Variants in GPATCH3 observed in about 807,000 individuals in gnomAD.
GPATCH3 encodes the protein G-patch domain containing 3.
A neutral mutation model predicts 53.2 loss-of-function variants in GPATCH3; 45 were observed. The ratio of observed to expected loss-of-function variants is 0.85; its 90% CI spans 0.67 to 1.08. GPATCH3 has a LOEUF of 1.08. Among genes scored for constraint, GPATCH3 ranks in the 50% least tolerant of loss-of-function variants. The pLI is 0.00. For synonymous variants in GPATCH3, 280 were observed against 270.6 expected (o/e 1.03, Z -0.34); for missense variants, 680 against 687.2 (o/e 0.99, Z 0.12).
At chr1:26,897,823 G>A in intron 1 of GPATCH3, 98 bp from the exon 2 acceptor site, 5 of 957,626 alleles carry the variant, frequency 5.2e-6, no homozygotes, top group Non-Finnish European at 7.6e-6. Context: ...CCTTTCCCTA[G>A]TAAACATCTA....
At chr1:26,896,983 C>T (rs1311343730) in intron 2 of GPATCH3, among the ~76,000 whole-genome samples, 1 of 150,440 alleles carries the variant, frequency 6.6e-6, no homozygotes, top group Non-Finnish European at 1.5e-5. Flanking sequence ...GATCGTGCCA[C>T]TGCACTCCAG....
rs1382286097 is a variant in GPATCH3, at chr1:26,897,557, CG to C, written c.619del (p.Arg207GlyfsTer104). 6.2e-7 allele frequency: 1 copy of C among 1,614,152 alleles called. No individual in the cohort carries two copies. On this transcript the variant is annotated frameshift_variant, in exon 2 of 7. Transcript: ENST00000361720. LOFTEE classifies it high-confidence loss of function. ...TPLRVFLELI[R>X]ACRLPPRIIT... ...GATCCGAGGGGGTAGGCGGCAGGCC[CG>C]GATCAACTCCAAAAAGACCCGCAGG...
At chr1:26,897,263 C>A in intron 2 of GPATCH3, 38 bp downstream of exon 2, 1 of 1,589,426 alleles carries the variant, frequency 6.3e-7, no homozygotes, top group Non-Finnish European at 8.6e-7. Flanking sequence ...CGGCCTCTTT[C>A]AGCTGCCAGC....
chr1:26,899,934 GA>G, intron 1 of GPATCH3, 57 bp downstream of exon 1: 1 of 1,507,984 alleles, frequency 6.6e-7, no homozygotes, highest in Non-Finnish European at 9.1e-7. Flanking sequence ...CCACTCCTCT[GA>G]AAAGGTGCCT....
chr1:26,900,176 G>A lies in GPATCH3; in HGVS notation c.267C>T (p.Leu89=), dbSNP rs753742086. The A allele has an allele frequency of 6.2e-7, 1 of 1,614,196 alleles. No individual in the cohort carries two copies. The highest frequency in any genetic ancestry group is 1.3e-5 in the African/African-American group (1 of 75,052). The change falls in exon 1 of 7, where the codon CTC becomes CTT. Residue 89 remains leucine, a synonymous_variant. Transcript: ENST00000361720. The part of the protein sequence containing the change: ...SQTSATDVRP[L]STRDSTPIQT... ...GGATTGGAGTAGAGTCTCGAGTGGAGAGAGGCCGGACATCGGTGGCCGAAG... is the reference window on the plus strand; with the variant it reads ...GGATTGGAGTAGAGTCTCGAGTGGAAAGAGGCCGGACATCGGTGGCCGAAG...
intron 6 of GPATCH3, among the ~76,000 whole-genome samples, chr1:26,891,683 A>T (rs1042570263): frequency 9.9e-5 from 15 of 151,772 alleles, no homozygotes; most frequent in Non-Finnish European, 1.0e-4. Flanking sequence ...AGTAGCTGGG[A>T]CTACAGGCGC....
chr1:26,893,900 T>C (rs1340905203), intron 3 of GPATCH3, among the ~76,000 whole-genome samples: 5 of 152,090 alleles, frequency 3.3e-5, no homozygotes, highest in African/African-American at 1.2e-4. Context: ...CACTGCAACC[T>C]TGAACTCCTG....
intron 6 of GPATCH3, among the ~76,000 whole-genome samples, chr1:26,892,007 AATTTTTGTATTT>A (rs1178313525): frequency 8.7e-5 from 13 of 149,862 alleles, no homozygotes; most frequent in African/African-American, 2.5e-4. Context: ...GCGCCCGGCT[AATTTTTGTATTT>A]TTAGTAGAGA....
chr1:26,897,535 C>T lies in GPATCH3; in HGVS notation c.642G>A (p.Arg214=), dbSNP rs764854944. ...ACTGGAGCTGCAGCTGGGTGATGAT[C>T]CGAGGGGGTAGGCGGCAGGCCCGGA... is the stretch of plus-strand genomic sequence containing the variant. The part of the protein sequence containing the change: ...ELIRACRLPP[R]IITQLQLQFP... Residue 214 remains arginine, a synonymous_variant, in exon 2 of 7, where the codon CGG becomes CGA. Coordinates refer to ENST00000361720, the MANE Select transcript of GPATCH3 (RefSeq NM_022078.3). The T allele has an allele frequency of 3.2e-5, 52 of 1,614,192 alleles. No individual in the cohort carries two copies. Among genetic ancestry groups the T allele is most frequent in the Non-Finnish European group, 4.2e-5 (50 of 1,180,042 alleles).
At position 26,900,415 on chromosome 1, in the gene GPATCH3, C is replaced by T. The variant is rs763665932; in HGVS notation, c.28G>A (p.Glu10Lys). The change falls in exon 1 of 7, where the codon GAG (glutamate) becomes AAG (lysine). Residue 10 changes from glutamate (E) to lysine (K), a missense_variant. Glu to Lys is a moderately conservative substitution (Grantham distance 56). Coordinates refer to ENST00000361720, the MANE Select transcript of GPATCH3 (RefSeq NM_022078.3). MAVPGEAEE[E>K]ATVYLVVSGI... ...CTCACTACCAGGTAAACTGTCGCCT[C>T]CTCCTCCGCCTCGCCGGGCACCGCC... 6 of 1,610,672 alleles carry T rather than the reference C, an allele frequency of 3.7e-6. No individual in the cohort carries two copies. Among genetic ancestry groups the T allele is most frequent in the Non-Finnish European group, 5.1e-6 (6 of 1,177,624 alleles).
chr1:26,893,471 A>ATGT, intron 3 of GPATCH3, 23 bp from the exon 4 acceptor site: 1 of 1,592,184 alleles, frequency 6.3e-7, no homozygotes, highest in Non-Finnish European at 8.6e-7. Flanking sequence ...AAAAGCATCC[A>ATGT]ACAGAGTACA....
At chr1:26,893,495 G>A (rs746560368) in intron 3 of GPATCH3, 47 bp from the exon 4 acceptor site, 1 of 928,386 alleles carries the variant, frequency 1.1e-6, no homozygotes, top group African/African-American at 1.8e-5. Context: ...AGGACTCTCA[G>A]TTCTATTAAG....
chr1:26,898,230 C>T (rs1285509884), intron 1 of GPATCH3, among the ~76,000 whole-genome samples: 1 of 152,216 alleles, frequency 6.6e-6, no homozygotes, highest in African/African-American at 2.4e-5. Flanking sequence ...CCAAGCGGAA[C>T]TACAGAACTA....
chr1:26,893,026 A>G (rs761461214), intron 4 of GPATCH3: 29 of 570,444 alleles, frequency 5.1e-5, no homozygotes, highest in Non-Finnish European at 8.0e-5. Flanking sequence ...GAGGATTAGA[A>G]CCCAGGTCTT....
chr1:26,900,449 T>C lies in GPATCH3; in HGVS notation c.-7A>G. 1.9e-6 allele frequency: 3 copies of C among 1,606,708 alleles called. No homozygotes were observed. The highest frequency in any genetic ancestry group is 2.6e-6 in the Non-Finnish European group (3 of 1,175,562). ...CCTCGCCGGGCACCGCCATCTTGGATTGTCACATGATCAGCTAGAACCAAG... is the reference window on the plus strand; with the variant it reads ...CCTCGCCGGGCACCGCCATCTTGGACTGTCACATGATCAGCTAGAACCAAG... On this transcript the variant is annotated 5_prime_UTR_variant, in exon 1 of 7. Coordinates refer to ENST00000361720, the MANE Select transcript of GPATCH3 (RefSeq NM_022078.3).
rs766590048 is a variant in GPATCH3 at position 26,894,303 on chromosome 1, C to A, written c.984G>T (p.Lys328Asn). 1.2e-6 allele frequency: 2 copies of A among 1,614,194 alleles called. No individual in the cohort carries two copies. The highest frequency in any genetic ancestry group is 2.7e-5 in the African/African-American group (2 of 75,042). The change falls in exon 3 of 7, where the codon AAG (lysine) becomes AAT (asparagine). Residue 328 changes from lysine (K) to asparagine (N), a missense_variant. Coordinates refer to ENST00000361720, the MANE Select transcript of GPATCH3 (RefSeq NM_022078.3). ...CCAGGCCAGAGCCACCCTTCTCCCACTTGAGCTCAATCTCCTCCTCAAAGA... is the reference window on the plus strand; with the variant it reads ...CCAGGCCAGAGCCACCCTTCTCCCAATTGAGCTCAATCTCCTCCTCAAAGA... ...EQLFEEEIEL[K>N]WEKGGSGLVF...
rs1441684608 is a variant in GPATCH3 at position 26,900,406 on chromosome 1, C to A, written c.37G>T (p.Val13Phe). The A allele has an allele frequency of 6.2e-7, 1 of 1,611,786 alleles. No individual in the cohort carries two copies. The highest frequency in any genetic ancestry group is 2.2e-5 in the East Asian group (1 of 44,832). Residue 13 changes from valine (V) to phenylalanine (F), a missense_variant, in exon 1 of 7, where the codon GTT becomes TTT. By Grantham distance (50) the Val-to-Phe change is conservative (BLOSUM62 -1). Coordinates refer to ENST00000361720, the MANE Select transcript of GPATCH3 (RefSeq NM_022078.3). The stretch of plus-strand genomic sequence containing the variant: ...GGGATACCGCTCACTACCAGGTAAA[C>A]TGTCGCCTCCTCCTCCGCCTCGCCG... ...VPGEAEEEAT[V>F]YLVVSGIPSV...
Position 26,897,610 on chromosome 1 carries a change from C to G in GPATCH3, c.567G>C (p.Leu189=). The change falls in exon 2 of 7, where the codon CTG becomes CTC. Residue 189 remains leucine, a synonymous_variant. Coordinates refer to ENST00000361720, the MANE Select transcript of GPATCH3 (RefSeq NM_022078.3). ...GAGTCCCCACATTCCCTCTGGGCAT[C>G]AGCACTGGTGGGTTCAGCTCCGGCA... ...KQLPELNPPV[L]MPRGNVGTPL... 6.2e-7 allele frequency: 1 copy of G among 1,614,230 alleles called. No individual in the cohort carries two copies. Among genetic ancestry groups the G allele is most frequent in the Non-Finnish European group, 8.5e-7 (1 of 1,180,042 alleles).
At chr1:26,891,424 C>T (rs2081925113) in intron 6 of GPATCH3, among the ~76,000 whole-genome samples, 198 bp from the exon 7 acceptor site, 1 of 151,850 alleles carries the variant, frequency 6.6e-6, no homozygotes, top group Non-Finnish European at 1.5e-5. Flanking sequence ...AATTTTCATT[C>T]TGTCACTACA....
Sources: allele counts gnomAD v4.1 joint callset (sites outside exome capture counted in the v4.1 genomes callset), GRCh38; gene constraint gnomAD v4.1.1; transcripts MANE v1.5; gene names NCBI Gene and HGNC (gene_info 2026-07-23, HGNC 2026-07-21).